Variants in CTCF observed in about 807,000 individuals in gnomAD.
CTCF encodes the protein transcriptional repressor CTCF.
CTCF carries 7 observed loss-of-function variants against 72.3 expected under a neutral mutation model. That is an observed-to-expected ratio of 0.10 (90% CI 0.06 to 0.18). CTCF has a LOEUF of 0.18. Among genes scored for constraint, CTCF ranks in the 10% least tolerant of loss-of-function variants. The pLI is 1.00. For synonymous variants in CTCF, 374 were observed against 315.8 expected, an observed-to-expected ratio of 1.18 and a Z score of -1.95; for missense variants, 516 against 949.1, an observed-to-expected ratio of 0.54 and a Z score of 6.00.
At chr16:67,567,189 T>C (rs920289842) in intron 1 of CTCF, among the ~76,000 whole-genome samples, 1 of 152,230 alleles carries the variant, frequency 6.6e-6, no homozygotes, top group Non-Finnish European at 1.5e-5. Context: ...TTCGTATCTT[T>C]CCTGCTAGTA....
At chr16:67,581,689 G>C (rs973713676) in intron 2 of CTCF, among the ~76,000 whole-genome samples, 2 of 151,942 alleles carry the variant, frequency 1.3e-5, no homozygotes, top group Non-Finnish European at 2.9e-5. Context: ...TTTTAGTAGA[G>C]ATGAGGTTTT....
chr16:67,568,828 A>G (rs1250403968), intron 1 of CTCF, among the ~76,000 whole-genome samples: 1 of 150,292 alleles, frequency 6.7e-6, no homozygotes, highest in Non-Finnish European at 1.5e-5. Flanking sequence ...ACACCTGGCT[A>G]TATTATTTGG....
chr16:67,625,555 C>T (rs544205804), intron 7 of CTCF, among the ~76,000 whole-genome samples: 4 of 152,240 alleles, frequency 2.6e-5, no homozygotes, highest in Non-Finnish European at 4.4e-5. Context: ...CTACTTTTTG[C>T]CTTGGTGATC....
chr16:67,611,261 T>A lies in CTCF; in HGVS notation c.429T>A (p.Ser143=). 6.2e-7 allele frequency: 1 copy of A among 1,614,116 alleles called. No individual in the cohort carries two copies. The highest frequency in any genetic ancestry group is 1.3e-5 in the African/African-American group (1 of 75,030). The part of the protein sequence containing the change: ...ELQGAYENEV[S]KEGLAESEPM... Reference sequence around the variant, plus strand: ...AGGGGGCTTATGAAAATGAAGTGTCTAAAGAGGGCCTTGCGGAAAGTGAAC... The same window carrying A: ...AGGGGGCTTATGAAAATGAAGTGTCAAAAGAGGGCCTTGCGGAAAGTGAAC... Residue 143 remains serine (S), a synonymous_variant, in exon 3 of 12, where the codon TCT becomes TCA. Transcript: ENST00000264010.
chr16:67,609,754 C>T (rs1271033642), intron 2 of CTCF, among the ~76,000 whole-genome samples: 1 of 151,872 alleles, frequency 6.6e-6, no homozygotes, highest in Non-Finnish European at 1.5e-5. Flanking sequence ...CTCCCAAGAG[C>T]TGGGACTACA....
chr16:67,594,610 A>T (rs2142772782), intron 2 of CTCF, among the ~76,000 whole-genome samples: 1 of 152,272 alleles, frequency 6.6e-6, no homozygotes, highest in East Asian at 1.9e-4. Context: ...AAAAATAGTG[A>T]TGCAAAGAGA....
chr16:67,613,049 T>C (rs1038004000), intron 4 of CTCF, among the ~76,000 whole-genome samples: 3 of 152,262 alleles, frequency 2.0e-5, no homozygotes, highest in Non-Finnish European at 4.4e-5. Context: ...AACATTTATT[T>C]GAGCATCCTA....
intron 2 of CTCF, among the ~76,000 whole-genome samples, chr16:67,577,154 C>T (rs996087989): frequency 1.3e-5 from 2 of 151,842 alleles, no homozygotes; most frequent in African/African-American, 4.8e-5. Context: ...CGTGGTGGCT[C>T]ACACCTGTAA....
chr16:67,597,414 A>G (rs777062550), intron 2 of CTCF, among the ~76,000 whole-genome samples: 12 of 151,898 alleles, frequency 7.9e-5, no homozygotes, highest in Non-Finnish European at 1.5e-4. Context: ...ATCTTGACGC[A>G]CTACAACCTC....
At chr16:67,582,789 AC>A (rs2051603988) in intron 2 of CTCF, among the ~76,000 whole-genome samples, 1 of 151,852 alleles carries the variant, frequency 6.6e-6, no homozygotes, top group Admixed American at 6.6e-5. Context: ...TTTTAATCAA[AC>A]CTTTTTTGGT....
intron 9 of CTCF, among the ~76,000 whole-genome samples, 170 bp downstream of exon 9, chr16:67,628,722 T>C (rs189926671): frequency 5.3e-5 from 8 of 152,338 alleles, no homozygotes; most frequent in South Asian, 2.1e-4. Context: ...TGTGAACCCT[T>C]CCACTGATGG....
At chr16:67,614,907 C>G (rs1026990353) in intron 4 of CTCF, 3 of 151,984 alleles carry the variant, frequency 2.0e-5, no homozygotes, top group Admixed American at 2.0e-4. Context: ...GAGGCTGAAG[C>G]AGGCGGATCA....
At chr16:67,637,654 G>A in intron 11 of CTCF, 34 bp from the exon 12 acceptor site, 2 of 1,575,972 alleles carry the variant, frequency 1.3e-6, no homozygotes, top group Non-Finnish European at 1.7e-6. Context: ...GGCTTTAATG[G>A]ACCATTTGTT....
chr16:67,608,650 A>C (rs2052011471), intron 2 of CTCF, among the ~76,000 whole-genome samples: 1 of 152,194 alleles, frequency 6.6e-6, no homozygotes, highest in Admixed American at 6.5e-5. Context: ...AGCATTATGC[A>C]CTTTGAATTA....
intron 1 of CTCF, chr16:67,568,420 C>T (rs146837537): frequency 0.034 from 5,040 of 146,332 alleles, 131 homozygotes; most frequent in South Asian, 0.063. Flanking sequence ...ACGAAGTCTT[C>T]CTCTGTCACC....
intron 5 of CTCF, among the ~76,000 whole-genome samples, chr16:67,618,906 G>A (rs915851592): frequency 3.9e-5 from 6 of 152,226 alleles, no homozygotes; most frequent in African/African-American, 1.4e-4. Context: ...GAATAAATAT[G>A]AATGGCTAAG....
intron 2 of CTCF, among the ~76,000 whole-genome samples, chr16:67,574,430 C>T (rs952292304): frequency 4.6e-5 from 7 of 151,774 alleles, no homozygotes; most frequent in Non-Finnish European, 8.8e-5. Flanking sequence ...CAACTTCCCC[C>T]TCCCAGGTTC....
chr16:67,624,183 A>ATT (rs1482399934), intron 7 of CTCF, among the ~76,000 whole-genome samples: 3 of 150,414 alleles, frequency 2.0e-5, no homozygotes, highest in Admixed American at 1.3e-4. Flanking sequence ...TCATATATAT[A>ATT]TGTATTTTTA....
At chr16:67,622,560 G>T (rs1354248242) in intron 7 of CTCF, among the ~76,000 whole-genome samples, 1 of 151,970 alleles carries the variant, frequency 6.6e-6, no homozygotes, top group Admixed American at 6.6e-5. Flanking sequence ...GTTCTTGTCA[G>T]GTGTGCTCCA....
Sources: gnomAD v4.1 joint callset for allele counts (sites outside exome capture counted in the v4.1 genomes callset) on GRCh38, gnomAD v4.1.1 for gene constraint, MANE v1.5 for transcripts, NCBI Gene and HGNC (gene_info 2026-07-23, HGNC 2026-07-21) for gene names.